The following ABCB1 variants were observed in gnomAD, a reference collection of about 807,000 sequenced individuals.
ABCB1 encodes ATP binding cassette subfamily B member 1.
In ABCB1, 69 loss-of-function variants were observed where a neutral mutation model predicts 142.0. The observed-to-expected ratio is 0.49, with a 90% CI of 0.40 to 0.59. The LOEUF (loss-of-function observed/expected upper bound fraction) is 0.59, where lower values mean the gene tolerates loss of function less well. Among genes scored for constraint, ABCB1 ranks in the 20% least tolerant of loss-of-function variants. The pLI is 0.00. For missense variants in ABCB1, 1,326 were observed against 1,554.7 expected (o/e 0.85, Z 2.47); for synonymous variants, 532 against 539.2 (o/e 0.99, Z 0.18).
In ABCB1 at chr7:87,531,502, A is replaced by C. The variant is rs1437747989; in HGVS notation, c.2482-5T>G. 2 of 1,612,120 alleles carry C rather than the reference A, an allele frequency of 1.2e-6. No individual in the cohort carries two copies. Among genetic ancestry groups the C allele is most frequent in the South Asian group, 1.1e-5 (1 of 91,040 alleles). On this transcript the variant is annotated splice_polypyrimidine_tract_variant and splice_region_variant and intron_variant, in intron 20 of 27. Coordinates refer to ENST00000622132, the MANE Select transcript of ABCB1 (RefSeq NM_001348946.2). ...AGCAAGCCTGGAACCTATAGCCTGC[A>C]AAACAAAACAAATTAGAGAAATTTT...
At chr7:87,657,585 AC>A (rs1458877629) in intron 1 of ABCB1, among the ~76,000 whole-genome samples, 5 of 151,558 alleles carry the variant, frequency 3.3e-5, no homozygotes, top group Non-Finnish European at 4.4e-5. Flanking sequence ...CTTCCCCAAC[AC>A]CCCCCTTCCC....
rs373462839 is a variant in ABCB1 at position 87,711,751 on chromosome 7, A to G, written c.-331+1410T>C. Among the ~76,000 whole-genome samples, 11 of 152,314 alleles carry G rather than the reference A, an allele frequency of 7.2e-5. No homozygotes were observed. The East Asian group carries it at 2.1e-3, about 29-fold the overall frequency. On this transcript the variant is annotated intron_variant, in intron 1 of 28. Coordinates refer to the ABCB1 transcript ENST00000265724. ...CACATTTCAGATGTCCCATTGCCAC[A>G]TGTAGCTAATGGTAACCCAATTGGA...
chr7:87,600,068 C>T, intron 2 of ABCB1, 49 bp downstream of exon 2: 2 of 1,520,246 alleles, frequency 1.3e-6, no homozygotes, highest in East Asian at 2.3e-5. Context: ...AAATAAATTA[C>T]TCAAATCTCG....
rs28381753 is a variant in ABCB1, at chr7:87,650,215, T to C, written c.-330-49137A>G. ...TAGTTAGGTCACATTTTGATTTTAATGGGGACAATTAGCTATTTCTGAGTC... is the reference window on the plus strand; with the variant it reads ...TAGTTAGGTCACATTTTGATTTTAACGGGGACAATTAGCTATTTCTGAGTC... On this transcript the variant is annotated intron_variant, in intron 1 of 28. Coordinates refer to the ABCB1 transcript ENST00000265724. 1.7e-3 allele frequency among the ~76,000 whole-genome samples: 261 copies of C among 152,308 alleles called. 1 individual carries two copies. The highest frequency in any genetic ancestry group is 3.3e-3 in the Admixed American group (51 of 15,288).
intron 6 of ABCB1, 107 bp from the exon 7 acceptor site, chr7:87,566,348 G>T: frequency 8.6e-7 from 1 of 1,164,248 alleles, no homozygotes; most frequent in Non-Finnish European, 1.3e-6. Context: ...AGTATTTTGT[G>T]CCTATGCTTT....
At chr7:87,525,595 G>A (rs1418072812) in intron 21 of ABCB1, among the ~76,000 whole-genome samples, 1 of 152,140 alleles carries the variant, frequency 6.6e-6, no homozygotes, top group Non-Finnish European at 1.5e-5. Flanking sequence ...GGAAGAAAAT[G>A]TTATTAAGAA....
chr7:87,550,035 T>C lies in ABCB1; in HGVS notation c.1370A>G (p.Asp457Gly), dbSNP rs767429416. The C allele has an allele frequency of 2.1e-5, 34 of 1,614,094 alleles. No individual in the cohort carries two copies. In the South Asian group the frequency reaches 3.6e-4, roughly 17 times the overall value. ...AAACCTTACATTTATGGTCCTAATA[T>C]CCTGTCCATCAACACTGACCTGGAA... is the stretch of plus-strand genomic sequence containing the variant. ...TEGMVSVDGQ[D>G]IRTINVRFLR... Residue 457 changes from aspartate to glycine, a missense_variant, in exon 13 of 28, where the codon GAT becomes GGT. Transcript: ENST00000622132.
intron 21 of ABCB1, among the ~76,000 whole-genome samples, chr7:87,523,602 A>C (rs1371377082): frequency 6.6e-6 from 1 of 152,222 alleles, no homozygotes; most frequent in Non-Finnish European, 1.5e-5. Context: ...AGCCTGGGCA[A>C]CAGAGTGAGA....
At chr7:87,712,742 T>A (rs1432821979) in intron 1 of ABCB1, among the ~76,000 whole-genome samples, 1 of 152,032 alleles carries the variant, frequency 6.6e-6, no homozygotes, top group Non-Finnish European at 1.5e-5. Context: ...GTACATGAAG[T>A]AAAAATATTC....
intron 2 of ABCB1, among the ~76,000 whole-genome samples, chr7:87,599,223 A>G (rs921865539): frequency 9.2e-5 from 14 of 152,336 alleles, no homozygotes; most frequent in African/African-American, 3.4e-4. Context: ...ACAATTTACT[A>G]CTAACAATGA....
intron 1 of ABCB1, among the ~76,000 whole-genome samples, chr7:87,706,615 G>A (rs1055377780): frequency 7.2e-5 from 11 of 152,194 alleles, no homozygotes; most frequent in African/African-American, 2.4e-4. Context: ...GATATTACAC[G>A]AGCTGAGCCG....
intron 24 of ABCB1, 81 bp from the exon 25 acceptor site, chr7:87,515,509 G>T (rs909235747): frequency 1.2e-5 from 15 of 1,256,572 alleles, no homozygotes; most frequent in Non-Finnish European, 1.6e-5. Flanking sequence ...CGATTACCAG[G>T]TGTCAGAAGA....
intron 26 of ABCB1, among the ~76,000 whole-genome samples, chr7:87,508,341 A>G (rs1814842776): frequency 6.6e-6 from 1 of 152,226 alleles, no homozygotes; most frequent in Admixed American, 6.5e-5. Flanking sequence ...AAAAATTTGT[A>G]TAAAATTGCC....
intron 1 of ABCB1, among the ~76,000 whole-genome samples, chr7:87,616,059 T>A (rs1820022930): frequency 6.6e-6 from 1 of 152,228 alleles, no homozygotes. Context: ...TATAAGATAC[T>A]TTAAGGTAGA....
chr7:87,700,335 T>C (rs2130691715), intron 1 of ABCB1: 2 of 1,201,374 alleles, frequency 1.7e-6, no homozygotes, highest in East Asian at 2.6e-5. Context: ...ATTACCTTTA[T>C]TTTTCAGAAT....
intron 17 of ABCB1, among the ~76,000 whole-genome samples, chr7:87,542,160 G>A (rs1250094972): frequency 1.3e-5 from 2 of 152,164 alleles, no homozygotes; most frequent in Admixed American, 6.5e-5. Context: ...GCCCAGGACA[G>A]ACAACTTTAT....
chr7:87,597,812 A>G (rs891998162), intron 2 of ABCB1, among the ~76,000 whole-genome samples: 2 of 152,156 alleles, frequency 1.3e-5, no homozygotes, highest in East Asian at 1.9e-4. Flanking sequence ...ATATTGGCTA[A>G]TATCTAATGC....
intron 25 of ABCB1, among the ~76,000 whole-genome samples, chr7:87,512,891 T>G (rs1815079809): frequency 6.6e-6 from 1 of 152,222 alleles, no homozygotes; most frequent in Admixed American, 6.5e-5. Flanking sequence ...TACTGTCCTA[T>G]GCACTCAGCA....
chr7:87,579,537 C>A (rs928162473), intron 4 of ABCB1, among the ~76,000 whole-genome samples: 1 of 152,092 alleles, frequency 6.6e-6, no homozygotes, highest in Non-Finnish European at 1.5e-5. Context: ...GATGAACAAT[C>A]CTTGCATCCC....
Sources: allele counts gnomAD v4.1 joint callset (sites outside exome capture counted in the v4.1 genomes callset), GRCh38; gene constraint gnomAD v4.1.1; transcripts MANE v1.5; gene names NCBI Gene and HGNC (gene_info 2026-07-23, HGNC 2026-07-21).